Variants in FOXP1 observed in about 807,000 individuals in gnomAD.
FOXP1 encodes the protein forkhead box P1.
FOXP1 carries 15 observed loss-of-function variants against 98.2 expected under a neutral mutation model. That is an observed-to-expected ratio of 0.15 (90% CI 0.10 to 0.24). The LOEUF is 0.24. FOXP1 is among the 10% of genes least tolerant of loss of function. The pLI is 1.00. For missense variants in FOXP1, 633 were observed against 848.5 expected (o/e 0.75, Z 3.15); for synonymous variants, 371 against 314.5 (o/e 1.18, Z -1.90).
At chr3:71,362,845 A>C (rs2078664974) in intron 3 of FOXP1, among the ~76,000 whole-genome samples, 3 of 152,222 alleles carry the variant, frequency 2.0e-5, no homozygotes, top group African/African-American at 7.2e-5. Context: ...TGAACCTTAC[A>C]AACTTTGATC....
chr3:71,189,972 C>T (rs2062865954), intron 6 of FOXP1, among the ~76,000 whole-genome samples: 2 of 152,206 alleles, frequency 1.3e-5, no homozygotes, highest in Non-Finnish European at 2.9e-5. Flanking sequence ...TTCACTGGGG[C>T]CACGTTAGTG....
At chr3:71,407,389 C>T (rs749167857) in intron 3 of FOXP1, among the ~76,000 whole-genome samples, 1 of 152,154 alleles carries the variant, frequency 6.6e-6, no homozygotes, top group Admixed American at 6.5e-5. Context: ...CCTTTCATAA[C>T]CTGTCATCAC....
intron 5 of FOXP1, among the ~76,000 whole-genome samples, chr3:71,247,089 G>A (rs1292532706): frequency 2.6e-5 from 2 of 77,532 alleles, no homozygotes; most frequent in African/African-American, 9.6e-5. Context: ...TGATCTCAGT[G>A]CTAGCATCTT....
intron 11 of FOXP1, among the ~76,000 whole-genome samples, chr3:71,016,257 C>T (rs940653076): frequency 1.3e-5 from 2 of 152,036 alleles, no homozygotes; most frequent in East Asian, 1.9e-4. Context: ...AAATTCCTAA[C>T]ACCAACAGTG....
At position 70,965,867 on chromosome 3, in the gene FOXP1, C is replaced by G. The variant is rs747195145; in HGVS notation, c.1889+23G>C. On this transcript the variant is annotated intron_variant, in intron 20 of 20. Coordinates refer to ENST00000649528, the MANE Select transcript of FOXP1 (RefSeq NM_001349338.3). ...GGAGACTAGGGTCAGATAGCAAAGA[C>G]CTGTTGGGTGGACAATACTCACACG... The G allele has an allele frequency of 2.5e-6, 4 of 1,612,552 alleles. No homozygotes were observed. The African/African-American group carries it at 4.0e-5, about 16-fold the overall frequency.
At chr3:71,291,420 G>A (rs1348394725) in intron 5 of FOXP1, among the ~76,000 whole-genome samples, 1 of 152,102 alleles carries the variant, frequency 6.6e-6, no homozygotes, top group East Asian at 1.9e-4. Context: ...ATTTTACACT[G>A]CACATCCAAG....
chr3:70,995,235 G>A (rs1477034073), intron 13 of FOXP1, among the ~76,000 whole-genome samples: 1 of 152,120 alleles, frequency 6.6e-6, no homozygotes, highest in African/African-American at 2.4e-5. Context: ...GGTGGACAGT[G>A]GGGGCCCAAT....
chr3:71,106,682 A>G, intron 7 of FOXP1, among the ~76,000 whole-genome samples: 1 of 149,940 alleles, frequency 6.7e-6, no homozygotes. Flanking sequence ...CTGGCCTCAA[A>G]CTCCTGAGCT....
intron 6 of FOXP1, among the ~76,000 whole-genome samples, chr3:71,146,097 A>G (rs2060294946): frequency 6.6e-6 from 1 of 152,192 alleles, no homozygotes; most frequent in African/African-American, 2.4e-5. Flanking sequence ...GAGTGCACAG[A>G]GAGGGAACAA....
At chr3:71,000,875 T>C (rs968387254) in intron 13 of FOXP1, 97 bp downstream of exon 13, 5 of 720,616 alleles carry the variant, frequency 6.9e-6, no homozygotes, top group Admixed American at 5.6e-5. Context: ...GGACCTTCCA[T>C]TCAATAATGA....
At chr3:71,040,231 T>G (rs1236843762) in intron 11 of FOXP1, 1 of 152,142 alleles carries the variant, frequency 6.6e-6, no homozygotes, top group Non-Finnish European at 1.5e-5. Flanking sequence ...TTTTGAGAAA[T>G]ATATGAAATT....
chr3:71,475,767 G>A (rs939319689), intron 3 of FOXP1, among the ~76,000 whole-genome samples: 4 of 152,086 alleles, frequency 2.6e-5, no homozygotes, highest in African/African-American at 4.8e-5. Context: ...GATTGAACCC[G>A]GGAGGCGGAG....
intron 6 of FOXP1, among the ~76,000 whole-genome samples, chr3:71,121,766 T>C (rs531999464): frequency 8.5e-5 from 13 of 152,164 alleles, no homozygotes; most frequent in Admixed American, 3.3e-4. Flanking sequence ...TATTAGAAAA[T>C]GTCTAAAATG....
At chr3:71,244,835 G>C (rs2067591959) in intron 5 of FOXP1, 1 of 151,910 alleles carries the variant, frequency 6.6e-6, no homozygotes, top group African/African-American at 2.4e-5. Context: ...AAGGTCCCAG[G>C]CTAAATCAAC....
At chr3:71,366,790 T>G (rs72957366) in intron 3 of FOXP1, among the ~76,000 whole-genome samples, 2,672 of 152,306 alleles carry the variant, frequency 0.018, 70 homozygotes, top group African/African-American at 0.062. Context: ...CGCACTCAAT[T>G]AACATTCCTT....
chr3:71,198,434 G>GA lies in FOXP1; in HGVS notation c.-11-43dup, dbSNP rs961811361. On this transcript the variant is annotated intron_variant, in intron 5 of 20. Coordinates refer to ENST00000649528, the MANE Select transcript of FOXP1 (RefSeq NM_001349338.3). ...CAAGATGGGGGGAGGGAGGGGGGGAGAAAAAAAAAGCAGCTGTTAAAGCAG... is the reference window on the plus strand; with the variant it reads ...CAAGATGGGGGGAGGGAGGGGGGGAGAAAAAAAAAAGCAGCTGTTAAAGCAG... 4.1e-3 allele frequency: 2,502 copies of GA among 603,444 alleles called. 14 individuals carry two copies. Among genetic ancestry groups the GA allele is most frequent in the Non-Finnish European group, 5.2e-3 (1,834 of 349,486 alleles). 37.4% of individuals were successfully genotyped at this position (603,444 alleles called of 1,614,324 possible).
intron 20 of FOXP1, among the ~76,000 whole-genome samples, chr3:70,961,543 T>A (rs927941843): frequency 2.0e-5 from 3 of 152,146 alleles, no homozygotes; most frequent in African/African-American, 7.2e-5. Context: ...ATATTTTTAT[T>A]TAAAAGGAAC....
chr3:71,444,262 C>T (rs1476296724), intron 3 of FOXP1, among the ~76,000 whole-genome samples: 8 of 152,184 alleles, frequency 5.3e-5, no homozygotes, highest in African/African-American at 1.4e-4. Context: ...GGCTGCCTCT[C>T]GTCCCACTCC....
chr3:71,513,597 G>A (rs1285392557), intron 2 of FOXP1, among the ~76,000 whole-genome samples: 5 of 152,080 alleles, frequency 3.3e-5, no homozygotes, highest in Admixed American at 2.6e-4. Flanking sequence ...TCCACCTCTC[G>A]CACCAGAACT....
Sources: allele counts gnomAD v4.1 joint callset (sites outside exome capture counted in the v4.1 genomes callset), GRCh38; gene constraint gnomAD v4.1.1; transcripts MANE v1.5; gene names NCBI Gene and HGNC (gene_info 2026-07-23, HGNC 2026-07-21).